FMO5: variants seen among roughly 807,000 people sequenced by gnomAD.
FMO5 encodes the protein flavin-containing monooxygenase 5.
A neutral mutation model predicts 43.6 loss-of-function variants in FMO5; 51 were observed. The observed-to-expected ratio is 1.17, with a 90% CI of 0.93 to 1.48. The LOEUF (loss-of-function observed/expected upper bound fraction) is 1.48, where lower values mean the gene tolerates loss of function less well. Ranked by LOEUF, FMO5 falls within the 40% of genes most tolerant of loss-of-function variation. The probability of loss-of-function intolerance (pLI) is 0.00; values close to 1 mark genes in which losing one functional copy is unlikely to be tolerated. For missense variants in FMO5, 644 were observed against 643.0 expected, an observed-to-expected ratio of 1.00 and a Z score of -0.02; for synonymous variants, 187 against 216.5, an observed-to-expected ratio of 0.86 and a Z score of 1.20.
rs114540849 is a variant in FMO5, at chr1:147,222,254, G to A, written c.135+2641C>T. Reference sequence around the variant, plus strand: ...GCGTAGTAGTGCGTGTATAATTTCAGCTACTTGAGAGGCTAAGGCATGAGA... The same window carrying A: ...GCGTAGTAGTGCGTGTATAATTTCAACTACTTGAGAGGCTAAGGCATGAGA... On this transcript the variant is annotated intron_variant, in intron 2 of 8. Transcript: ENST00000254090. 6.0e-3 allele frequency among the ~76,000 whole-genome samples: 910 copies of A among 152,272 alleles called. 4 individuals are homozygous for A. Among genetic ancestry groups the A allele is most frequent in the Middle Eastern group, 0.01 (3 of 294 alleles).
rs373062737 is a variant in FMO5, at chr1:147,192,657, G to A, written c.1184-2408C>T. On this transcript the variant is annotated intron_variant, in intron 7 of 8. Coordinates refer to ENST00000254090, the MANE Select transcript of FMO5 (RefSeq NM_001461.4). ...GATATTGGCTGTGGGTTTGTCATAG[G>A]TAGCTCTTATTATTTTCAGATACAT... is the stretch of plus-strand genomic sequence containing the variant. Among the ~76,000 whole-genome samples, 30 of 152,126 alleles carry A rather than the reference G, an allele frequency of 2.0e-4. No homozygotes were observed. In the East Asian group the frequency reaches 5.2e-3, roughly 26 times the overall value.
In FMO5 at chr1:147,186,991, A is replaced by G. The variant is rs1553917244; in HGVS notation, c.1511T>C (p.Val504Ala). Residue 504 changes from valine to alanine, a missense_variant, in exon 9 of 9, where the codon GTT (valine) becomes GCT (alanine). Val to Ala is a moderately conservative substitution (Grantham distance 64). Coordinates refer to ENST00000254090, the MANE Select transcript of FMO5 (RefSeq NM_001461.4). ...TGAAGTCATAGAACTACTCCTTTCA[A>G]CTACTCTTGTCATCAGAGGCTTCCT... ...RIRKPLMTRV[V>A]ERSSSMTSTM... 3.7e-6 allele frequency: 6 copies of G among 1,614,222 alleles called. No individual in the cohort carries two copies. The highest frequency in any genetic ancestry group is 5.1e-6 in the Non-Finnish European group (6 of 1,180,026).
In FMO5 at chr1:147,201,430, C is replaced by A; in HGVS notation, c.905G>T (p.Gly302Val). The A allele has an allele frequency of 6.2e-7, 1 of 1,614,162 alleles. No individual in the cohort carries two copies. The highest frequency in any genetic ancestry group is 1.7e-5 in the Admixed American group (1 of 60,028). Residue 302 changes from glycine to valine, a missense_variant, in exon 7 of 9, where the codon GGA becomes GTA. Physicochemically the swap from Gly to Val is moderately radical, Grantham distance 109. Transcript: ENST00000254090. ...TGTCTCCGTGAATTCCTTCACATTT[C>A]CTTTCACTTTCACCAAGCCAGAAAT... ...RIISGLVKVK[G>V]NVKEFTETAA... is the part of the protein sequence containing the mutation.
intron 2 of FMO5, 109 bp downstream of exon 2, chr1:147,224,786 A>C (rs1328815722): frequency 1.0e-6 from 1 of 1,001,816 alleles, no homozygotes; most frequent in Non-Finnish European, 1.5e-6. Context: ...CTAGGATTAC[A>C]GGCGTGTGCC....
At position 147,213,488 on chromosome 1, in the gene FMO5, A is replaced by G; in HGVS notation, c.325-18T>C. 6.3e-7 allele frequency: 1 copy of G among 1,586,490 alleles called. No individual in the cohort carries two copies. Among genetic ancestry groups the G allele is most frequent in the South Asian group, 1.2e-5 (1 of 84,578 alleles). On this transcript the variant is annotated intron_variant, in intron 3 of 8. Transcript: ENST00000254090. ...ACAGTGGTCTGAAAAGAAAAGTGAT[A>G]ACCACAGGGGACATCCCTGACATGA...
chr1:147,221,244 T>C (rs28642073), intron 2 of FMO5, among the ~76,000 whole-genome samples: 3 of 152,102 alleles, frequency 2.0e-5, no homozygotes, highest in Non-Finnish European at 4.4e-5. Flanking sequence ...AAAAGGCCAT[T>C]AGGAAAAACT....
intron 5 of FMO5, chr1:147,209,817 T>C (rs587697725): frequency 4.6e-5 from 7 of 152,202 alleles, no homozygotes; most frequent in African/African-American, 1.4e-4. Flanking sequence ...ACTGGTAAAG[T>C]TGAAAGCAGC....
At chr1:147,187,726 G>A (rs1294891456) in intron 8 of FMO5, among the ~76,000 whole-genome samples, 1 of 152,186 alleles carries the variant, frequency 6.6e-6, no homozygotes, top group Non-Finnish European at 1.5e-5. Flanking sequence ...ATCCTGAAAG[G>A]ATGAGGGAGA....
At chr1:147,218,893 G>T (rs2120005) in intron 2 of FMO5, among the ~76,000 whole-genome samples, 6,695 of 152,206 alleles carry the variant, frequency 0.044, 173 homozygotes, top group African/African-American at 0.071. Flanking sequence ...AATTTCTCCA[G>T]AGAATTAGAT....
chr1:147,212,296 G>A lies in FMO5; in HGVS notation c.630+97C>T, dbSNP rs1449086787. ...TGCCACTGGCACTGAAGGGCTATGTGCAGGTATCCCTATTCTCTGTTGGGT... is the reference window on the plus strand; with the variant it reads ...TGCCACTGGCACTGAAGGGCTATGTACAGGTATCCCTATTCTCTGTTGGGT... On this transcript the variant is annotated intron_variant, in intron 5 of 8. Coordinates refer to ENST00000254090, the MANE Select transcript of FMO5 (RefSeq NM_001461.4). 7 of 1,262,824 alleles carry A rather than the reference G, an allele frequency of 5.5e-6. No homozygotes were observed. In the Admixed American group the frequency reaches 5.7e-5, roughly 10 times the overall value. 78.2% of individuals were successfully genotyped at this position (1,262,824 alleles called of 1,614,324 possible).
chr1:147,184,443 C>A, downstream of FMO5: 3 of 1,386,232 alleles, frequency 2.2e-6, no homozygotes, highest in Non-Finnish European at 1.9e-6. This position sits in a 1 kb window ranked among gnomAD's most constrained non-coding sequence, Gnocchi z 4.4. Flanking sequence ...ACTTAAAGTT[C>A]TTTTTCTGTT....
rs141266262 is a variant in FMO5, at chr1:147,187,372, A to T, written c.1257-127T>A. 928 of 666,370 alleles carry T rather than the reference A, an allele frequency of 1.4e-3. 5 individuals are homozygous for T. The African/African-American group carries it at 0.015, about 11-fold the overall frequency. 41.3% of individuals were successfully genotyped at this position (666,370 alleles called of 1,614,324 possible). On this transcript the variant is annotated intron_variant, in intron 8 of 8. Transcript: ENST00000254090. The stretch of plus-strand genomic sequence containing the variant: ...AGGAGCTGTGGAATATAGAGAAGAA[A>T]GATAAAACATTGGTCACTGTCCTTA...
In FMO5 at chr1:147,186,961, A is replaced by G. The variant is rs912455922; in HGVS notation, c.1541T>C (p.Met514Thr). The change falls in exon 9 of 9, where the codon ATG (methionine) becomes ACG (threonine). Residue 514 changes from methionine to threonine, a missense_variant. Physicochemically the swap from Met to Thr is moderately conservative, Grantham distance 81. Transcript: ENST00000254090. ...AGCTAGCATAAACTTGCCTATTGTC[A>G]TTGTTGAAGTCATAGAACTACTCCT... ...VERSSSMTST[M>T]TIGKFMLALA... 1 of 1,614,210 alleles carries G rather than the reference A, an allele frequency of 6.2e-7. No homozygotes were observed. The highest frequency in any genetic ancestry group is 2.2e-5 in the East Asian group (1 of 44,886).
At chr1:147,194,858 A>G (rs1657668368) in intron 7 of FMO5, among the ~76,000 whole-genome samples, 1 of 152,040 alleles carries the variant, frequency 6.6e-6, no homozygotes, top group Non-Finnish European at 1.5e-5. Context: ...TGGCTTGTAG[A>G]GTTACTGCCG....
At chr1:147,202,598 G>A (rs587626661) in intron 6 of FMO5, among the ~76,000 whole-genome samples, 2 of 152,148 alleles carry the variant, frequency 1.3e-5, no homozygotes, top group African/African-American at 4.8e-5. Flanking sequence ...GATTACAGGC[G>A]TGAGCCACAG....
chr1:147,185,119 T>C (rs917026423), downstream of FMO5, among the ~76,000 whole-genome samples: 4 of 151,846 alleles, frequency 2.6e-5, no homozygotes, highest in Non-Finnish European at 4.4e-5. Context: ...TGTTTTGAGT[T>C]CAATTTCTTG....
chr1:147,190,733 G>A (rs1406038123), intron 7 of FMO5, among the ~76,000 whole-genome samples: 1 of 151,944 alleles, frequency 6.6e-6, no homozygotes, highest in Non-Finnish European at 1.5e-5. Flanking sequence ...TGCACAATGT[G>A]CAGGTTTGTT....
At chr1:147,193,683 T>G (rs1657357194) in intron 7 of FMO5, among the ~76,000 whole-genome samples, 2 of 152,320 alleles carry the variant, frequency 1.3e-5, no homozygotes, top group South Asian at 4.1e-4. Flanking sequence ...TTTAAATGTG[T>G]TCCAGAGATT....
Position 147,186,918 on chromosome 1 carries a change from T to C in FMO5, c.1584A>G (p.Ile528Met). ...KFMLALAFFA[I>M]IIAYF ...AGGACAACTAGAAGTAAGCTATAAT[T>C]ATAGCAAAGAAGGCAAGAGCTAGCA... The change falls in exon 9 of 9, where the codon ATA becomes ATG. Residue 528 changes from isoleucine to methionine, a missense_variant. By Grantham distance (10) the Ile-to-Met change is conservative. Coordinates refer to ENST00000254090, the MANE Select transcript of FMO5 (RefSeq NM_001461.4). The C allele has an allele frequency of 6.2e-7, 1 of 1,613,650 alleles. No individual in the cohort carries two copies. Among genetic ancestry groups the C allele is most frequent in the South Asian group, 1.1e-5 (1 of 91,008 alleles).
Sources: allele counts gnomAD v4.1 joint callset (sites outside exome capture counted in the v4.1 genomes callset), GRCh38; gene constraint gnomAD v4.1.1; non-coding constraint Gnocchi (gnomAD v3.1); transcripts MANE v1.5; gene names NCBI Gene and HGNC (gene_info 2026-07-23, HGNC 2026-07-21).